Variants in PCCA observed in about 807,000 individuals in gnomAD.
PCCA encodes propionyl-CoA carboxylase alpha chain, mitochondrial.
PCCA carries 74 observed loss-of-function variants against 101.3 expected under a neutral mutation model. That is an observed-to-expected ratio of 0.73 (90% CI 0.61 to 0.89). The LOEUF is 0.89. Ranked by LOEUF, PCCA falls within the 40% of genes least tolerant of loss-of-function variation. The probability of loss-of-function intolerance (pLI) is 0.00; values close to 1 mark genes in which losing one functional copy is unlikely to be tolerated. For synonymous variants in PCCA, 294 were observed against 313.6 expected (o/e 0.94, Z 0.66); for missense variants, 891 against 907.0 (o/e 0.98, Z 0.23).
chr13:100,261,840 G>A (rs997488373), intron 9 of PCCA, among the ~76,000 whole-genome samples: 1 of 152,000 alleles, frequency 6.6e-6, no homozygotes, highest in Non-Finnish European at 1.5e-5. Context: ...TATGTGGGAG[G>A]CAACTGCATT....
chr13:100,410,476 C>T (rs7997277), intron 19 of PCCA, among the ~76,000 whole-genome samples: 4,416 of 151,736 alleles, frequency 0.029, 237 homozygotes, highest in African/African-American at 0.1. Flanking sequence ...CACTTGACCT[C>T]GTGATCCACC....
In PCCA at chr13:100,441,283, C is replaced by T. The variant is rs1005574489; in HGVS notation, c.1846-7969C>T. On this transcript the variant is annotated intron_variant, in intron 20 of 23. Transcript: ENST00000376285. ...TAATACAAACAGCTGCACTGCAGAC[C>T]GATAAGACAAATCCCACAGTAATGG... Among the ~76,000 whole-genome samples, 25 of 152,042 alleles carry T rather than the reference C, an allele frequency of 1.6e-4. 1 individual carries two copies. The highest frequency in any genetic ancestry group is 2.4e-5 in the African/African-American group (1 of 41,394).
intron 6 of PCCA, among the ~76,000 whole-genome samples, chr13:100,180,850 C>T (rs1180908596): frequency 6.6e-6 from 1 of 152,204 alleles, no homozygotes; most frequent in Non-Finnish European, 1.5e-5. Flanking sequence ...TCCTTTCCAC[C>T]ACAGGTGATT....
intron 7 of PCCA, among the ~76,000 whole-genome samples, chr13:100,218,001 G>C (rs927542014): frequency 2.0e-5 from 3 of 151,686 alleles, no homozygotes; most frequent in Non-Finnish European, 4.4e-5. Context: ...CTAGAACCCT[G>C]GGGGAGGAGG....
intron 6 of PCCA, among the ~76,000 whole-genome samples, chr13:100,190,459 G>T (rs538485355): frequency 3.3e-4 from 50 of 152,178 alleles, no homozygotes; most frequent in Admixed American, 1.3e-3. Context: ...TGGGCAGGTG[G>T]ATCACTTGAG....
At chr13:100,121,134 T>C (rs1274197022) in intron 4 of PCCA, among the ~76,000 whole-genome samples, 3 of 79,224 alleles carry the variant, frequency 3.8e-5, no homozygotes, top group East Asian at 2.0e-3. Context: ...TTCTAATAGT[T>C]TTTTAGTGGA....
chr13:100,203,176 A>T (rs1304157068), intron 6 of PCCA, among the ~76,000 whole-genome samples: 1 of 150,972 alleles, frequency 6.6e-6, no homozygotes, highest in Non-Finnish European at 1.5e-5. Context: ...TGGGAGGCTG[A>T]GGCAGGAGAA....
intron 21 of PCCA, among the ~76,000 whole-genome samples, chr13:100,497,980 C>G (rs1192438156): frequency 2.6e-5 from 4 of 152,032 alleles, no homozygotes; most frequent in African/African-American, 4.8e-5. Context: ...GTTGATCCTC[C>G]TGCCTCAGCC....
At chr13:100,160,767 C>G (rs2054383950) in intron 6 of PCCA, 1 of 152,142 alleles carries the variant, frequency 6.6e-6, no homozygotes, top group Non-Finnish European at 1.5e-5. Flanking sequence ...TTACAAAGAG[C>G]TTTGAAACGT....
At chr13:100,516,836 G>A (rs2086863830) in intron 22 of PCCA, among the ~76,000 whole-genome samples, 2 of 151,702 alleles carry the variant, frequency 1.3e-5, no homozygotes, top group South Asian at 4.2e-4. Flanking sequence ...TCGTGGCCTT[G>A]ACATTAAGAA....
intron 6 of PCCA, among the ~76,000 whole-genome samples, chr13:100,180,397 C>T (rs190839311): frequency 2.6e-5 from 4 of 152,270 alleles, no homozygotes; most frequent in South Asian, 2.1e-4. Context: ...TTTGCTTTTC[C>T]GTAAACCCCA....
Position 100,419,674 on chromosome 13 carries a change from G to A in PCCA, c.1747-5959G>A, listed in dbSNP as rs1350804534. 2.0e-5 allele frequency among the ~76,000 whole-genome samples: 3 copies of A among 152,210 alleles called. No homozygotes were observed. The East Asian group carries it at 5.8e-4, about 29-fold the overall frequency. Reference sequence around the variant, plus strand: ...AGTCGTGCATGTGTTTGAAAGCAGAGGCGAGACGCCAGTGTAGACTGAAAG... The same window carrying A: ...AGTCGTGCATGTGTTTGAAAGCAGAAGCGAGACGCCAGTGTAGACTGAAAG... On this transcript the variant is annotated intron_variant, in intron 19 of 23. Transcript: ENST00000376285.
At chr13:100,317,498 C>G (rs2067495487) in intron 16 of PCCA, among the ~76,000 whole-genome samples, 1 of 152,206 alleles carries the variant, frequency 6.6e-6, no homozygotes, top group Non-Finnish European at 1.5e-5. Flanking sequence ...CTATTTTCCT[C>G]TCAACCTGTT....
chr13:100,419,849 A>G (rs2078632139), intron 19 of PCCA, among the ~76,000 whole-genome samples: 1 of 152,212 alleles, frequency 6.6e-6, no homozygotes, highest in South Asian at 2.1e-4. Flanking sequence ...ATCTGCTGAG[A>G]GTAGGGGGCA....
chr13:100,482,572 C>G (rs570196169), intron 21 of PCCA, among the ~76,000 whole-genome samples: 1 of 152,086 alleles, frequency 6.6e-6, no homozygotes, highest in African/African-American at 2.4e-5. Context: ...ATTGACATAA[C>G]AAGGTTTTTT....
intron 6 of PCCA, chr13:100,161,230 A>C (rs9518013): frequency 0.35 from 53,842 of 152,016 alleles, 10,609 homozygotes; most frequent in East Asian, 0.71. Flanking sequence ...CAAGGGTCAC[A>C]TAGTTTTGTT....
At chr13:100,322,257 G>A (rs1210058959) in intron 16 of PCCA, among the ~76,000 whole-genome samples, 1 of 152,150 alleles carries the variant, frequency 6.6e-6, no homozygotes, top group African/African-American at 2.4e-5. Context: ...GCTCAAGCAA[G>A]CAATGAGAGA....
chr13:100,411,225 ATTT>A (rs566218424), intron 19 of PCCA, among the ~76,000 whole-genome samples: 6 of 135,690 alleles, frequency 4.4e-5, no homozygotes, highest in Non-Finnish European at 4.8e-5. Context: ...GTGCCTCTTG[ATTT>A]TTTTTTTTTT....
At chr13:100,443,546 A>G (rs997652509) in intron 20 of PCCA, among the ~76,000 whole-genome samples, 1 of 152,116 alleles carries the variant, frequency 6.6e-6, no homozygotes, top group Non-Finnish European at 1.5e-5. Flanking sequence ...GAACATAGCC[A>G]CATTCATTCA....
Sources: gnomAD v4.1 joint callset for allele counts (sites outside exome capture counted in the v4.1 genomes callset) on GRCh38, gnomAD v4.1.1 for gene constraint, MANE v1.5 for transcripts, NCBI Gene and HGNC (gene_info 2026-07-23, HGNC 2026-07-21) for gene names.